The following ROBO2 variants were observed in gnomAD, a reference collection of about 807,000 sequenced individuals.
The protein encoded by ROBO2 is roundabout homolog 2.
ROBO2 carries 53 observed loss-of-function variants against 160.8 expected under a neutral mutation model. The ratio of observed to expected loss-of-function variants is 0.33; its 90% CI spans 0.26 to 0.41. The LOEUF (loss-of-function observed/expected upper bound fraction) is 0.41, where lower values mean the gene tolerates loss of function less well. Ranked by LOEUF, ROBO2 falls within the 10% of genes least tolerant of loss-of-function variation. ROBO2 has a pLI of 1.00. For missense variants in ROBO2, 1,577 were observed against 1,722.4 expected (o/e 0.92, Z 1.49); for synonymous variants, 664 against 611.7 (o/e 1.09, Z -1.26).
intron 2 of ROBO2, among the ~76,000 whole-genome samples, chr3:77,467,454 C>G (rs2082876429): frequency 6.6e-6 from 1 of 152,124 alleles, no homozygotes; most frequent in South Asian, 2.1e-4. Flanking sequence ...ACTACTTTGT[C>G]TGAAGACCCG....
intron 2 of ROBO2, among the ~76,000 whole-genome samples, chr3:76,049,399 A>ATTTTTTTTTT (rs1204742605): frequency 9.9e-5 from 5 of 50,368 alleles, no homozygotes; most frequent in African/African-American, 5.4e-4. Flanking sequence ...ATATATATAT[A>ATTTTTTTTTT]TATATTTTTT....
chr3:77,457,368 A>C (rs1466430537), intron 2 of ROBO2, among the ~76,000 whole-genome samples: 2 of 152,300 alleles, frequency 1.3e-5, no homozygotes, highest in Non-Finnish European at 2.9e-5. Context: ...GGGAGGACAA[A>C]GCACCTAGTG....
chr3:77,617,522 T>G (rs749250408), exon 22 of ROBO2: 1 of 1,614,170 alleles, frequency 6.2e-7, no homozygotes, highest in South Asian at 1.1e-5. Flanking sequence ...GCTATGACAG[T>G]GATAGCTGGT....
chr3:76,946,771 C>T (rs540457549), intron 2 of ROBO2, among the ~76,000 whole-genome samples: 31 of 152,170 alleles, frequency 2.0e-4, no homozygotes, highest in Non-Finnish European at 3.4e-4. Context: ...TTTCACTAAC[C>T]TCCCCAAACT....
intron 1 of ROBO2, among the ~76,000 whole-genome samples, chr3:77,054,785 G>A (rs2065558231): frequency 1.3e-5 from 2 of 152,036 alleles, no homozygotes; most frequent in African/African-American, 4.8e-5. Context: ...GCTTCTGATT[G>A]GTTTTATTTT....
intron 2 of ROBO2, among the ~76,000 whole-genome samples, chr3:76,837,850 A>T (rs2067850840): frequency 6.6e-6 from 1 of 152,002 alleles, no homozygotes; most frequent in South Asian, 2.1e-4. Context: ...TGTCCTAATA[A>T]TACCTCTAAT....
At chr3:77,291,383 C>T (rs1429301197) in intron 2 of ROBO2, among the ~76,000 whole-genome samples, 1 of 151,666 alleles carries the variant, frequency 6.6e-6, no homozygotes, top group Non-Finnish European at 1.5e-5. Flanking sequence ...GAGGCTACAT[C>T]ACCCCAGACA....
chr3:76,435,314 C>T (rs1403817227), intron 2 of ROBO2: 15 of 897,972 alleles, frequency 1.7e-5, no homozygotes, highest in Non-Finnish European at 2.5e-5. Flanking sequence ...CCTAGATGAA[C>T]ACCCTCATTC....
intron 2 of ROBO2, among the ~76,000 whole-genome samples, chr3:77,292,122 C>T (rs1252681797): frequency 6.6e-6 from 1 of 151,706 alleles, no homozygotes; most frequent in Non-Finnish European, 1.5e-5. Flanking sequence ...GAGGCTAGAT[C>T]ACCCCAGACA....
At chr3:76,280,623 C>T (rs1481400686) in intron 2 of ROBO2, among the ~76,000 whole-genome samples, 1 of 152,008 alleles carries the variant, frequency 6.6e-6, no homozygotes, top group Non-Finnish European at 1.5e-5. Flanking sequence ...ACTCTGGATT[C>T]AGAGCCTTCT....
Position 76,115,838 on chromosome 3 carries a change from A to G in ROBO2, c.109+178236A>G, listed in dbSNP as rs944425372. ...CAGCAGCTATAGATGATGACAGCCA[A>G]TCTCTTTGAGGTTCCCCCAAGGACA... On this transcript the variant is annotated intron_variant, in intron 2 of 26. Coordinates refer to the ROBO2 transcript ENST00000487694. Among the ~76,000 whole-genome samples the G allele has an allele frequency of 1.1e-4, 17 of 152,084 alleles. No homozygotes were observed. In the East Asian group the frequency reaches 2.9e-3, roughly 26 times the overall value.
At chr3:77,140,187 C>T (rs188056132) in intron 2 of ROBO2, among the ~76,000 whole-genome samples, 5 of 152,272 alleles carry the variant, frequency 3.3e-5, no homozygotes, top group Admixed American at 1.3e-4. Context: ...GTGCCTTAGA[C>T]GGAAAGACTT....
At chr3:77,303,569 T>C (rs1250093924) in intron 2 of ROBO2, among the ~76,000 whole-genome samples, 2 of 152,128 alleles carry the variant, frequency 1.3e-5, no homozygotes, top group Admixed American at 1.3e-4. Context: ...ATGCTTATAT[T>C]TGAGTAGAGA....
At chr3:76,824,158 C>T (rs930368137) in intron 2 of ROBO2, among the ~76,000 whole-genome samples, 4 of 152,190 alleles carry the variant, frequency 2.6e-5, no homozygotes, top group Non-Finnish European at 5.9e-5. Flanking sequence ...ACTGGAGACA[C>T]ACATCACCTC....
At chr3:76,843,685 G>A (rs2068511441) in intron 2 of ROBO2, among the ~76,000 whole-genome samples, 1 of 151,928 alleles carries the variant, frequency 6.6e-6, no homozygotes, top group African/African-American at 2.4e-5. Flanking sequence ...TCACCTGGTG[G>A]CTTAATAGAA....
At chr3:76,454,512 A>C (rs2077647127) in intron 2 of ROBO2, among the ~76,000 whole-genome samples, 3 of 152,156 alleles carry the variant, frequency 2.0e-5, no homozygotes. Context: ...TATGGTGGTT[A>C]GAACGTTGGG....
intron 2 of ROBO2, among the ~76,000 whole-genome samples, chr3:76,965,740 T>C (rs2059245249): frequency 1.4e-5 from 2 of 147,510 alleles, no homozygotes; most frequent in African/African-American, 5.0e-5. Flanking sequence ...TCCACAATGG[T>C]ACTATTCAAA....
chr3:76,300,065 A>G (rs1255209854), intron 2 of ROBO2, among the ~76,000 whole-genome samples: 1 of 152,110 alleles, frequency 6.6e-6, no homozygotes, highest in Admixed American at 6.6e-5. Context: ...TTCTAGGTCA[A>G]AAGTCCAGGT....
intron 2 of ROBO2, among the ~76,000 whole-genome samples, chr3:76,714,163 T>G (rs184466043): frequency 3.2e-4 from 49 of 152,168 alleles, no homozygotes; most frequent in African/African-American, 1.1e-3. Flanking sequence ...ACTCCAAAAT[T>G]AGGAGGAAAA....
Sources: gnomAD v4.1 joint callset for allele counts (sites outside exome capture counted in the v4.1 genomes callset) on GRCh38, gnomAD v4.1.1 for gene constraint, MANE v1.5 for transcripts, NCBI Gene and HGNC (gene_info 2026-07-23, HGNC 2026-07-21) for gene names.